Variants in SAMD12 observed in about 807,000 individuals in gnomAD.
The protein encoded by SAMD12 is sterile alpha motif domain containing 12, also known as sterile alpha motif domain-containing protein 12.
SAMD12 carries 9 observed loss-of-function variants against 15.0 expected under a neutral mutation model. That is an observed-to-expected ratio of 0.60 (90% CI 0.36 to 1.05). The LOEUF (loss-of-function observed/expected upper bound fraction) is 1.05. SAMD12 is among the 50% of genes least tolerant of loss of function. The pLI is 0.01. For missense variants in SAMD12, 230 were observed against 234.2 expected, an observed-to-expected ratio of 0.98 and a Z score of 0.12; for synonymous variants, 86 against 90.1, an observed-to-expected ratio of 0.96 and a Z score of 0.25.
At chr8:118,386,011 AACAC>A (rs1369835590) in intron 3 of SAMD12, among the ~76,000 whole-genome samples, 4 of 152,178 alleles carry the variant, frequency 2.6e-5, no homozygotes, top group African/African-American at 9.6e-5. Flanking sequence ...TCTATTTTTG[AACAC>A]ACACCAACTG....
intron 4 of SAMD12, among the ~76,000 whole-genome samples, chr8:118,315,586 T>C (rs1175190688): frequency 6.6e-6 from 1 of 152,180 alleles, no homozygotes; most frequent in Admixed American, 6.5e-5. Context: ...AACATAGACT[T>C]GTTACTCATA....
the SAMD12 span, among the ~76,000 whole-genome samples, chr8:118,153,925 C>A: frequency 6.6e-6 from 1 of 152,100 alleles, no homozygotes; most frequent in Non-Finnish European, 1.5e-5. Flanking sequence ...TACTCTACAT[C>A]TGAAATGAAT....
intron 4 of SAMD12, among the ~76,000 whole-genome samples, chr8:118,235,859 T>C (rs750528665): frequency 4.6e-5 from 7 of 152,184 alleles, no homozygotes; most frequent in Non-Finnish European, 1.0e-4. Flanking sequence ...GTCTCTCTCA[T>C]TCTTTCCTTA....
exon 5 of SAMD12, chr8:118,192,612 AACC>A: frequency 7.2e-6 from 1 of 138,894 alleles, no homozygotes; most frequent in African/African-American, 2.8e-5. Context: ...CGCAACAAAT[AACC>A]AACCAACCAA....
intron 1 of SAMD12, among the ~76,000 whole-genome samples, chr8:118,602,633 G>A (rs1827888592): frequency 6.6e-6 from 1 of 152,136 alleles, no homozygotes; most frequent in South Asian, 2.1e-4. Flanking sequence ...GCTTTTATCT[G>A]GGTAATTAAC....
intron 4 of SAMD12, among the ~76,000 whole-genome samples, chr8:118,288,943 CAT>C (rs1201911020): frequency 6.6e-6 from 1 of 152,210 alleles, no homozygotes; most frequent in Non-Finnish European, 1.5e-5. Flanking sequence ...TAAAACCTAA[CAT>C]GTCTTCCTGG....
At chr8:118,536,463 C>A (rs1248265704) in intron 2 of SAMD12, among the ~76,000 whole-genome samples, 4 of 151,646 alleles carry the variant, frequency 2.6e-5, no homozygotes, top group Admixed American at 6.6e-5. Flanking sequence ...CACACACACA[C>A]ACACACACAC....
chr8:118,188,473 G>T (rs1251555167), downstream of SAMD12, among the ~76,000 whole-genome samples: 2 of 152,118 alleles, frequency 1.3e-5, no homozygotes, highest in African/African-American at 2.4e-5. Flanking sequence ...GGTTATCACA[G>T]GTTTTACTTT....
chr8:118,151,839 G>A, the SAMD12 span, among the ~76,000 whole-genome samples: 161 of 138,546 alleles, frequency 1.2e-3, no homozygotes, highest in Middle Eastern at 3.7e-3. Flanking sequence ...CAAAAAAAAA[G>A]AAAAAAAAAA....
intron 3 of SAMD12, among the ~76,000 whole-genome samples, chr8:118,379,903 A>C (rs1162314771): frequency 6.6e-6 from 1 of 151,912 alleles, no homozygotes; most frequent in Non-Finnish European, 1.5e-5. Context: ...GAGAACCCTA[A>C]CTTTTAATTG....
intron 2 of SAMD12, among the ~76,000 whole-genome samples, chr8:118,490,025 C>A (rs1378457116): frequency 6.6e-6 from 1 of 152,006 alleles, no homozygotes; most frequent in African/African-American, 2.4e-5. Flanking sequence ...TCTGCACAGC[C>A]CCTGTCTATA....
intron 4 of SAMD12, among the ~76,000 whole-genome samples, chr8:118,316,475 G>A (rs907030089): frequency 2.6e-5 from 4 of 152,136 alleles, no homozygotes; most frequent in African/African-American, 4.8e-5. Context: ...GTCGGAGGTC[G>A]CAGTGAGCTG....
intron 4 of SAMD12, among the ~76,000 whole-genome samples, chr8:118,319,073 C>A (rs1433696535): frequency 6.6e-6 from 1 of 152,094 alleles, no homozygotes. Flanking sequence ...AAACACACCT[C>A]AGCCATAAAG....
rs80311821 is a variant in SAMD12, at chr8:118,285,280, T to C, written c.434-87548A>G. Among the ~76,000 whole-genome samples the C allele has an allele frequency of 4.0e-3, 611 of 152,282 alleles. 23 individuals are homozygous for C. The South Asian group carries it at 0.051, about 13-fold the overall frequency. ...ACTGCACAGTGGGTACCCATGAGTCTGAAATCAACTTTCCGTGAGAGATCC... is the reference window on the plus strand; with the variant it reads ...ACTGCACAGTGGGTACCCATGAGTCCGAAATCAACTTTCCGTGAGAGATCC... On this transcript the variant is annotated intron_variant, in intron 4 of 4. Transcript: ENST00000409003.
At chr8:118,249,524 T>C (rs1303559206) in intron 4 of SAMD12, among the ~76,000 whole-genome samples, 1 of 152,174 alleles carries the variant, frequency 6.6e-6, no homozygotes, top group Non-Finnish European at 1.5e-5. Context: ...ACCCACGGAT[T>C]TGAAGAGCTG....
At chr8:118,355,394 G>A (rs1375087181) in intron 4 of SAMD12, among the ~76,000 whole-genome samples, 1 of 152,150 alleles carries the variant, frequency 6.6e-6, no homozygotes, top group African/African-American at 2.4e-5. Flanking sequence ...GGGAAGGGTA[G>A]GAGATAAAAG....
the SAMD12 span, among the ~76,000 whole-genome samples, chr8:118,136,116 G>A: frequency 6.6e-6 from 1 of 151,886 alleles, no homozygotes; most frequent in Non-Finnish European, 1.5e-5. Flanking sequence ...TGCAACCTCT[G>A]TCCCCTGGGT....
intron 2 of SAMD12, among the ~76,000 whole-genome samples, chr8:118,522,928 C>T (rs541812915): frequency 6.6e-6 from 1 of 152,196 alleles, no homozygotes; most frequent in Non-Finnish European, 1.5e-5. Flanking sequence ...TTGTTTAGAT[C>T]TCTCTACTTA....
intron 4 of SAMD12, among the ~76,000 whole-genome samples, chr8:118,366,233 T>G (rs1818761679): frequency 6.6e-6 from 1 of 152,216 alleles, no homozygotes. Context: ...GCTGGCAAAG[T>G]TCAGAGGTCA....
Sources: gnomAD v4.1 joint callset for allele counts (sites outside exome capture counted in the v4.1 genomes callset) on GRCh38, gnomAD v4.1.1 for gene constraint, MANE v1.5 for transcripts, NCBI Gene and HGNC (gene_info 2026-07-23, HGNC 2026-07-21) for gene names.